CPA6: variants seen among roughly 807,000 people sequenced by gnomAD.
The protein encoded by CPA6 is carboxypeptidase B.
CPA6 carries 58 observed loss-of-function variants against 63.3 expected under a neutral mutation model. The ratio of observed to expected loss-of-function variants is 0.92; its 90% CI spans 0.74 to 1.14. The LOEUF (loss-of-function observed/expected upper bound fraction) is 1.14. CPA6 is among the 50% of genes most tolerant of loss of function. CPA6 has a pLI of 0.00. For synonymous variants in CPA6, 185 were observed against 179.0 expected (o/e 1.03, Z -0.27); for missense variants, 565 against 526.6 (o/e 1.07, Z -0.71).
intron 10 of CPA6, among the ~76,000 whole-genome samples, chr8:67,424,317 G>A (rs1272575518): frequency 6.6e-6 from 1 of 152,084 alleles, no homozygotes; most frequent in Non-Finnish European, 1.5e-5. Context: ...CCCCACCCCT[G>A]TCCGTGGAAT....
At chr8:67,621,228 C>T (rs1193470569) in intron 2 of CPA6, among the ~76,000 whole-genome samples, 1 of 152,198 alleles carries the variant, frequency 6.6e-6, no homozygotes. Flanking sequence ...ACCCAATACT[C>T]CTTTACCCTT....
intron 2 of CPA6, among the ~76,000 whole-genome samples, chr8:67,537,087 TTC>T (rs1415501332): frequency 2.0e-5 from 3 of 152,192 alleles, no homozygotes; most frequent in Non-Finnish European, 4.4e-5. Flanking sequence ...TGCTGCTGGA[TTC>T]TGTTTGCCTG....
At chr8:67,473,149 G>GAAGAA (rs1225059679) in intron 8 of CPA6, among the ~76,000 whole-genome samples, 1 of 152,210 alleles carries the variant, frequency 6.6e-6, no homozygotes, top group Non-Finnish European at 1.5e-5. Context: ...AATAGGAAGA[G>GAAGAA]AAGAAAAGGA....
At chr8:67,667,858 G>A (rs571096279) in intron 1 of CPA6, among the ~76,000 whole-genome samples, 24 of 152,344 alleles carry the variant, frequency 1.6e-4, no homozygotes, top group Middle Eastern at 3.4e-3. Context: ...AAGGGGTGCA[G>A]GGCACCAGGG....
intron 1 of CPA6, among the ~76,000 whole-genome samples, chr8:67,632,465 G>T (rs534667411): frequency 2.6e-4 from 40 of 151,770 alleles, no homozygotes; most frequent in Admixed American, 1.8e-3. Context: ...GTGCCACCAC[G>T]CCCAGCTAAT....
intron 2 of CPA6, among the ~76,000 whole-genome samples, chr8:67,611,845 G>A (rs555630336): frequency 3.9e-5 from 6 of 152,130 alleles, no homozygotes; most frequent in African/African-American, 9.7e-5. Context: ...CTCACTTTGC[G>A]GTGCATGGAT....
chr8:67,628,323 C>T (rs1311443732), intron 1 of CPA6, among the ~76,000 whole-genome samples: 2 of 152,154 alleles, frequency 1.3e-5, no homozygotes, highest in African/African-American at 4.8e-5. Context: ...TATCTCTGTC[C>T]TCTAGGCAAC....
chr8:67,666,858 C>T (rs1816242300), intron 1 of CPA6, among the ~76,000 whole-genome samples: 1 of 152,118 alleles, frequency 6.6e-6, no homozygotes, highest in South Asian at 2.1e-4. Flanking sequence ...TCTTGAGTGC[C>T]CCCTAAGCAT....
intron 2 of CPA6, among the ~76,000 whole-genome samples, chr8:67,544,905 C>A (rs749340755): frequency 3.9e-5 from 6 of 152,126 alleles, no homozygotes; most frequent in Non-Finnish European, 7.4e-5. Flanking sequence ...ATCCTAGAAG[C>A]TATTTGCAGA....
intron 1 of CPA6, among the ~76,000 whole-genome samples, chr8:67,733,232 AT>A (rs1563413024): frequency 1.6e-4 from 22 of 139,562 alleles, no homozygotes; most frequent in Middle Eastern, 3.9e-3. Context: ...AAATAAAAAA[AT>A]TTAGCGTCTA....
chr8:67,623,741 T>C (rs951819762), intron 2 of CPA6, among the ~76,000 whole-genome samples: 1 of 151,956 alleles, frequency 6.6e-6, no homozygotes, highest in African/African-American at 2.4e-5. Flanking sequence ...GCCAGAAAAT[T>C]TTTGAGTAGC....
chr8:67,629,716 A>G (rs1049126144), intron 1 of CPA6, among the ~76,000 whole-genome samples: 6 of 152,222 alleles, frequency 3.9e-5, no homozygotes, highest in Non-Finnish European at 8.8e-5. Context: ...ACAAACAATA[A>G]CAAATATAGT....
rs34145304 is a variant in CPA6 at position 67,573,891 on chromosome 8, C to CAAAAA, written c.192+50280_192+50284dup. 1.7e-3 allele frequency among the ~76,000 whole-genome samples: 56 copies of CAAAAA among 33,492 alleles called. 3 individuals are homozygous for CAAAAA. The highest frequency in any genetic ancestry group is 4.6e-3 in the African/African-American group (41 of 8,844). The allele number at this position is 33,492 out of a possible 152,430, so 22.0% of individuals were successfully genotyped here. On this transcript the variant is annotated intron_variant, in intron 2 of 10. Coordinates refer to ENST00000297770, the MANE Select transcript of CPA6 (RefSeq NM_020361.5). ...TGGGCGACAGAGCAAGACTCCGTCT[C>CAAAAA]AAAAAAAAAAAAAAAAAAAAAAAAA...
At chr8:67,522,256 G>T (rs1358973417) in intron 2 of CPA6, among the ~76,000 whole-genome samples, 1 of 152,090 alleles carries the variant, frequency 6.6e-6, no homozygotes, top group East Asian at 1.9e-4. Flanking sequence ...GTCACAGATG[G>T]CTACCCACTT....
intron 8 of CPA6, among the ~76,000 whole-genome samples, chr8:67,437,713 T>C (rs1410830442): frequency 2.0e-5 from 3 of 151,998 alleles, no homozygotes; most frequent in Admixed American, 6.5e-5. Flanking sequence ...AGTTGATGAA[T>C]GAATTAATAA....
intron 2 of CPA6, among the ~76,000 whole-genome samples, chr8:67,563,417 C>A (rs1813261360): frequency 6.6e-6 from 1 of 152,122 alleles, no homozygotes; most frequent in African/African-American, 2.4e-5. Context: ...GAGTGACTGG[C>A]AAATTGTAAC....
At chr8:67,434,861 C>A (rs1431839860) in intron 8 of CPA6, among the ~76,000 whole-genome samples, 1 of 152,236 alleles carries the variant, frequency 6.6e-6, no homozygotes, top group Non-Finnish European at 1.5e-5. Context: ...AAGGCTAAAT[C>A]CACCCTTACC....
intron 1 of CPA6, among the ~76,000 whole-genome samples, chr8:67,698,613 C>T (rs1010896360): frequency 6.6e-6 from 1 of 152,136 alleles, no homozygotes; most frequent in South Asian, 2.1e-4. Flanking sequence ...ATATGTCTTC[C>T]GATTCTGTGT....
chr8:67,691,127 A>G (rs1429953809), intron 1 of CPA6, among the ~76,000 whole-genome samples: 1 of 152,240 alleles, frequency 6.6e-6, no homozygotes, highest in Non-Finnish European at 1.5e-5. Flanking sequence ...TTTAAAAAAC[A>G]AAGAAAACGA....
Sources: allele counts gnomAD v4.1 joint callset (sites outside exome capture counted in the v4.1 genomes callset), GRCh38; gene constraint gnomAD v4.1.1; transcripts MANE v1.5; gene names NCBI Gene and HGNC (gene_info 2026-07-23, HGNC 2026-07-21).